Variants in MPRIP observed in about 807,000 individuals in gnomAD.
The protein encoded by MPRIP is myosin phosphatase Rho interacting protein, also known as myosin phosphatase Rho-interacting protein.
Under a neutral mutation model 234.9 loss-of-function variants are expected in MPRIP, and 59 were observed. That is an observed-to-expected ratio of 0.25 (90% CI 0.20 to 0.31). The LOEUF is 0.31. Ranked by LOEUF, MPRIP falls within the 10% of genes least tolerant of loss-of-function variation. The pLI, the probability that MPRIP is intolerant of heterozygous loss-of-function variation, is 1.00. For synonymous variants in MPRIP, 1,144 were observed against 1,263.9 expected, an observed-to-expected ratio of 0.91 and a Z score of 2.01; for missense variants, 2,436 against 3,071.0, an observed-to-expected ratio of 0.79 and a Z score of 4.89.
intron 19 of MPRIP, 42 bp downstream of exon 19, chr17:17,174,117 C>T: frequency 1.2e-6 from 2 of 1,604,600 alleles, no homozygotes; most frequent in Non-Finnish European, 1.7e-6. Flanking sequence ...GTCAGGGGCA[C>T]TCAAGGTCAG....
chr17:17,059,049 A>G (rs1241881058), intron 1 of MPRIP, among the ~76,000 whole-genome samples: 1 of 152,222 alleles, frequency 6.6e-6, no homozygotes, highest in Non-Finnish European at 1.5e-5. Context: ...TATTTCTTGT[A>G]TTAGAAGTTA....
At chr17:17,046,320 C>G (rs2088349856) in intron 1 of MPRIP, among the ~76,000 whole-genome samples, 1 of 152,092 alleles carries the variant, frequency 6.6e-6, no homozygotes, top group South Asian at 2.1e-4. Flanking sequence ...ATGGGTTTTG[C>G]TGTTACATAC....
intron 4 of MPRIP, among the ~76,000 whole-genome samples, chr17:17,127,419 C>T (rs2090514216): frequency 6.6e-6 from 1 of 152,356 alleles, no homozygotes; most frequent in East Asian, 1.9e-4. Context: ...ACCCAGGTCC[C>T]CTGAGAGTGG....
At chr17:17,057,069 G>A (rs1481275237) in intron 1 of MPRIP, among the ~76,000 whole-genome samples, 4 of 152,236 alleles carry the variant, frequency 2.6e-5, no homozygotes, top group African/African-American at 7.2e-5. Flanking sequence ...TCCTTTCAGC[G>A]GACCCCAGGA....
intron 7 of MPRIP, among the ~76,000 whole-genome samples, chr17:17,139,048 A>G (rs549939880): frequency 2.6e-5 from 4 of 152,184 alleles, no homozygotes; most frequent in African/African-American, 4.8e-5. Flanking sequence ...TAAGACTTTG[A>G]CTGGCTGGAG....
At chr17:17,084,625 TC>T (rs1468619908) in intron 3 of MPRIP, among the ~76,000 whole-genome samples, 1 of 152,204 alleles carries the variant, frequency 6.6e-6, no homozygotes, top group African/African-American at 2.4e-5. Context: ...TCCTTCACAT[TC>T]AGAGAGGCCG....
chr17:17,154,880 C>A (rs1377754636), intron 13 of MPRIP, among the ~76,000 whole-genome samples: 1 of 152,250 alleles, frequency 6.6e-6, no homozygotes, highest in Non-Finnish European at 1.5e-5. Flanking sequence ...ATTTGAAAAA[C>A]CCTCTCCTGT....
chr17:17,063,503 G>A (rs1439421082), intron 1 of MPRIP, among the ~76,000 whole-genome samples: 1 of 152,110 alleles, frequency 6.6e-6, no homozygotes, highest in Non-Finnish European at 1.5e-5. Flanking sequence ...GGAGGTGAGG[G>A]GGCATGGGAC....
chr17:17,053,348 G>A (rs192471746), intron 1 of MPRIP, among the ~76,000 whole-genome samples: 97 of 152,254 alleles, frequency 6.4e-4, no homozygotes, highest in East Asian at 5.8e-4. Flanking sequence ...TAGTACCCAT[G>A]GCTTTGGGTC....
intron 11 of MPRIP, chr17:17,149,689 A>T (rs570411947): frequency 6.8e-6 from 1 of 148,012 alleles, no homozygotes. Flanking sequence ...TAAATTTTAC[A>T]TTTATATTAA....
At position 17,164,318 on chromosome 17, in the gene MPRIP, G is replaced by A. The variant is rs1349496091; in HGVS notation, c.2727G>A (p.Ala909=). ...GCCTTCAGGCACGGCTCAGCAATGCGGCCGCTGAGCTAGCCATCAAGGAGC... is the reference window on the plus strand; with the variant it reads ...GCCTTCAGGCACGGCTCAGCAATGCAGCCGCTGAGCTAGCCATCAAGGAGC... ...IRSLQARLSN[A]AAELAIKEQA... The change falls in exon 16 of 24, where the codon GCG becomes GCA. Residue 909 remains alanine (A), a synonymous_variant. Transcript: ENST00000651222. The A allele has an allele frequency of 6.1e-6, 8 of 1,303,630 alleles. No homozygotes were observed. The Admixed American group carries it at 6.9e-5, about 11-fold the overall frequency. The allele number at this position is 1,303,630 out of a possible 1,614,324, so 80.8% of individuals were successfully genotyped here. A position where few individuals can be genotyped will look rare whatever the true frequency, so the allele number is the denominator to read the frequency against.
intron 18 of MPRIP, among the ~76,000 whole-genome samples, chr17:17,173,563 C>T (rs1156471256): frequency 1.3e-5 from 2 of 152,124 alleles, no homozygotes; most frequent in Non-Finnish European, 1.5e-5. Flanking sequence ...GAGCCTGGTC[C>T]TGGCTGTCAG....
At chr17:17,159,326 A>AG (rs2045811564) in intron 14 of MPRIP, among the ~76,000 whole-genome samples, 1 of 152,224 alleles carries the variant, frequency 6.6e-6, no homozygotes, top group Admixed American at 6.5e-5. Context: ...CGATGGCAGG[A>AG]GGGGCGCGAG....
chr17:17,138,144 C>A lies in MPRIP; in HGVS notation c.965C>A (p.Pro322His). 4.4e-6 allele frequency: 6 copies of A among 1,378,044 alleles called. No homozygotes were observed. The highest frequency in any genetic ancestry group is 5.9e-6 in the Non-Finnish European group (6 of 1,010,558). The allele number at this position is 1,378,044 out of a possible 1,614,324, so 85.4% of individuals were successfully genotyped here. Reference sequence around the variant, plus strand: ...CTTCCTTCCCCAGGTCCTCGACTCCCCCACCAAATGGTCTGCAGCATCTCC... The same window carrying A: ...CTTCCTTCCCCAGGTCCTCGACTCCACCACCAAATGGTCTGCAGCATCTCC... ...GPLPSPGPRLPHQMVCSISLS... is the reference protein window; with the variant it reads ...GPLPSPGPRLHHQMVCSISLS... The change falls in exon 7 of 24, where the codon CCC becomes CAC. Residue 322 changes from proline (P) to histidine (H), a missense_variant. Pro to His is a moderately conservative substitution (Grantham distance 77, BLOSUM62 -2). This residue lies in a region of MPRIP where 267 missense variants were observed against 252.7 expected (regional missense o/e 1.06). Transcript: ENST00000651222. The surrounding 1 kb of genome is among the most constrained non-coding windows in gnomAD (Gnocchi z 5.8).
rs1277626335 is a variant in MPRIP, at chr17:17,187,291, C to G, written c.*2397C>G. 2 of 150,148 alleles carry G rather than the reference C, an allele frequency of 1.3e-5. No individual in the cohort carries two copies. The highest frequency in any genetic ancestry group is 1.3e-4 in the Admixed American group (2 of 14,962). The allele number at this position is 150,148 out of a possible 1,614,324, so 9.3% of individuals were successfully genotyped here. A position where few individuals can be genotyped will look rare whatever the true frequency, so the allele number is the denominator to read the frequency against. On this transcript the variant is annotated 3_prime_UTR_variant, in exon 24 of 24. Transcript: ENST00000651222. Reference sequence around the variant, plus strand: ...AGTGCAGCATGTGAGGGGTCAGAGACAGGCCAGCAGGGCGTCTGCATTCCT... The same window carrying G: ...AGTGCAGCATGTGAGGGGTCAGAGAGAGGCCAGCAGGGCGTCTGCATTCCT...
chr17:17,169,196 C>T (rs759748698), intron 16 of MPRIP: 1 of 361,332 alleles, frequency 2.8e-6, no homozygotes, highest in South Asian at 2.0e-5. Flanking sequence ...GGTCAGTTCA[C>T]CAAGAGCAGC....
At chr17:17,059,726 C>T (rs1766190547) in intron 1 of MPRIP, among the ~76,000 whole-genome samples, 1 of 152,186 alleles carries the variant, frequency 6.6e-6, no homozygotes, top group Non-Finnish European at 1.5e-5. Flanking sequence ...GCATCAGTGG[C>T]CTTGCAGAGG....
intron 1 of MPRIP, among the ~76,000 whole-genome samples, chr17:17,067,790 CTTTT>C (rs35187618): frequency 0.014 from 1,098 of 76,766 alleles, 22 homozygotes; most frequent in African/African-American, 0.045. Context: ...CTTCTTCTTC[CTTTT>C]TTTTTTTTTT....
intron 3 of MPRIP, among the ~76,000 whole-genome samples, chr17:17,120,627 A>G (rs912940348): frequency 1.3e-5 from 2 of 152,300 alleles, no homozygotes; most frequent in South Asian, 2.1e-4. Flanking sequence ...CTGGAGGGCT[A>G]TGTGGGGGCT....
Sources: allele counts gnomAD v4.1 joint callset (sites outside exome capture counted in the v4.1 genomes callset), GRCh38; gene constraint gnomAD v4.1.1; regional missense constraint gnomAD v4.1.1; non-coding constraint Gnocchi (gnomAD v3.1); transcripts MANE v1.5; gene names NCBI Gene and HGNC (gene_info 2026-07-23, HGNC 2026-07-21).